CDK6: variants seen among roughly 807,000 people sequenced by gnomAD.
CDK6 encodes cyclin dependent kinase 6, also known as cyclin-dependent kinase 6.
CDK6 carries 6 observed loss-of-function variants against 37.1 expected under a neutral mutation model. That is an observed-to-expected ratio of 0.16 (90% CI 0.09 to 0.32). The LOEUF is 0.32. CDK6 is among the 10% of genes least tolerant of loss of function. The pLI is 1.00. For synonymous variants in CDK6, 160 were observed against 161.3 expected, an observed-to-expected ratio of 0.99 and a Z score of 0.06; for missense variants, 224 against 418.9, an observed-to-expected ratio of 0.53 and a Z score of 4.06.
chr7:92,827,435 T>C (rs747554058), intron 2 of CDK6, among the ~76,000 whole-genome samples: 3 of 152,174 alleles, frequency 2.0e-5, no homozygotes, highest in Admixed American at 6.5e-5. Flanking sequence ...TACACTTGCA[T>C]AGATTCCTGC....
At chr7:92,718,063 A>C (rs1408601706) in intron 4 of CDK6, among the ~76,000 whole-genome samples, 2 of 152,140 alleles carry the variant, frequency 1.3e-5, no homozygotes, top group Non-Finnish European at 2.9e-5. Flanking sequence ...AATCCTAAAG[A>C]AAACGTGTCC....
At chr7:92,704,828 G>A (rs955373318) in intron 4 of CDK6, among the ~76,000 whole-genome samples, 1 of 152,144 alleles carries the variant, frequency 6.6e-6, no homozygotes, top group African/African-American at 2.4e-5. Flanking sequence ...ACATGTGCAG[G>A]AATTTCTCTA....
chr7:92,685,352 G>A (rs1585398010), intron 4 of CDK6, among the ~76,000 whole-genome samples: 2 of 152,208 alleles, frequency 1.3e-5, no homozygotes, highest in African/African-American at 4.8e-5. Context: ...AGGGACTCAT[G>A]CTGCATGCGT....
At chr7:92,735,527 T>C (rs138123738) in intron 3 of CDK6, among the ~76,000 whole-genome samples, 16 of 152,314 alleles carry the variant, frequency 1.1e-4, no homozygotes, top group Non-Finnish European at 1.8e-4. Flanking sequence ...CATAGAACTG[T>C]GGAGAGAACC....
At chr7:92,759,871 T>C (rs1343260486) in intron 3 of CDK6, among the ~76,000 whole-genome samples, 4 of 152,146 alleles carry the variant, frequency 2.6e-5, no homozygotes, top group African/African-American at 7.2e-5. Flanking sequence ...GCCATGCACA[T>C]ACAATGAAGA....
At chr7:92,776,719 A>G (rs1350552831) in intron 2 of CDK6, among the ~76,000 whole-genome samples, 1 of 152,140 alleles carries the variant, frequency 6.6e-6, no homozygotes, top group African/African-American at 2.4e-5. Context: ...CTTTTGAGAA[A>G]ATGTCTGTTC....
chr7:92,794,614 A>G (rs957293281), intron 2 of CDK6, among the ~76,000 whole-genome samples: 1 of 152,026 alleles, frequency 6.6e-6, no homozygotes, highest in African/African-American at 2.4e-5. Flanking sequence ...TGATCTTCAA[A>G]GATTATGCTC....
intron 4 of CDK6, among the ~76,000 whole-genome samples, chr7:92,684,100 T>A (rs1797396704): frequency 6.6e-6 from 1 of 152,200 alleles, no homozygotes; most frequent in Non-Finnish European, 1.5e-5. Flanking sequence ...TTGTCTTATA[T>A]AATCTTCAGT....
rs569320482 is a variant in CDK6 at position 92,605,379 on chromosome 7, G to A, written c.*9761C>T. 31 of 233,442 alleles carry A rather than the reference G, an allele frequency of 1.3e-4. No homozygotes were observed. The highest frequency in any genetic ancestry group is 5.7e-4 in the African/African-American group (26 of 45,438). 14.5% of individuals were successfully genotyped at this position (233,442 alleles called of 1,614,324 possible). A position where few individuals can be genotyped will look rare whatever the true frequency, so the allele number is the denominator to read the frequency against. On this transcript the variant is annotated 3_prime_UTR_variant, in exon 8 of 8. Transcript: ENST00000424848. ...CTTTCCCAATAAGTCAGAGTAAGGG[G>A]CAGGTAAGAATGGCTATCTGACTTC...
chr7:92,776,677 T>C (rs1260905127), intron 2 of CDK6, among the ~76,000 whole-genome samples: 1 of 152,238 alleles, frequency 6.6e-6, no homozygotes, highest in Admixed American at 6.5e-5. Context: ...TGAGCTTTTT[T>C]TTCATATGTT....
At chr7:92,787,498 T>C (rs1800174177) in intron 2 of CDK6, among the ~76,000 whole-genome samples, 1 of 152,144 alleles carries the variant, frequency 6.6e-6, no homozygotes, top group African/African-American at 2.4e-5. Context: ...GTATTTAGAA[T>C]TGTTTATGTT....
intron 5 of CDK6, among the ~76,000 whole-genome samples, chr7:92,639,844 G>A (rs981349846): frequency 6.6e-6 from 1 of 152,150 alleles, no homozygotes; most frequent in Admixed American, 6.5e-5. Flanking sequence ...TACTGTTACT[G>A]GATTTGACTA....
rs1446935382 is a variant in CDK6, at chr7:92,614,287, C to T, written c.*853G>A. 2.1e-5 allele frequency: 5 copies of T among 232,918 alleles called. No homozygotes were observed. The highest frequency in any genetic ancestry group is 1.8e-4 in the South Asian group (1 of 5,524). The allele number at this position is 232,918 out of a possible 1,614,324, so 14.4% of individuals were successfully genotyped here. On this transcript the variant is annotated 3_prime_UTR_variant, in exon 8 of 8. Transcript: ENST00000424848. ...TTTTTTTTAAAATCTATCTGAGGTACACTCCCTAAACCTATAGCAAGTAAT... is the reference window on the plus strand; with the variant it reads ...TTTTTTTTAAAATCTATCTGAGGTATACTCCCTAAACCTATAGCAAGTAAT...
In CDK6 at chr7:92,638,696, T is replaced by C. The variant is rs199823399; in HGVS notation, c.648-15610A>G. Among the ~76,000 whole-genome samples the C allele has an allele frequency of 5.3e-5, 8 of 152,304 alleles. No homozygotes were observed. The East Asian group carries it at 1.4e-3, about 26-fold the overall frequency. ...GTTCCTTGAATGCCTTGAAGGAACA[T>C]CACTTACCTACTAAATTATAATAAA... On this transcript the variant is annotated intron_variant, in intron 5 of 7. Transcript: ENST00000424848.
At chr7:92,744,361 C>T (rs1799005844) in intron 3 of CDK6, among the ~76,000 whole-genome samples, 3 of 152,156 alleles carry the variant, frequency 2.0e-5, no homozygotes, top group Admixed American at 2.0e-4. Flanking sequence ...CTTATAAAAT[C>T]ATCAGATCTC....
chr7:92,675,446 T>C (rs1166304053), intron 4 of CDK6, among the ~76,000 whole-genome samples: 2 of 152,240 alleles, frequency 1.3e-5, no homozygotes, highest in Admixed American at 1.3e-4. Context: ...TATTGTAGCA[T>C]CCTTGCCTTC....
chr7:92,631,987 C>G (rs1361454686), intron 5 of CDK6, among the ~76,000 whole-genome samples: 1 of 152,072 alleles, frequency 6.6e-6, no homozygotes, highest in Non-Finnish European at 1.5e-5. Flanking sequence ...ACAGCAAATA[C>G]TACATACATT....
intron 2 of CDK6, among the ~76,000 whole-genome samples, chr7:92,826,930 C>T (rs1801333671): frequency 6.6e-6 from 1 of 152,114 alleles, no homozygotes; most frequent in African/African-American, 2.4e-5. Flanking sequence ...AATCCTGGTT[C>T]TCAAGTCAGC....
chr7:92,738,848 C>A (rs578133829), intron 3 of CDK6, among the ~76,000 whole-genome samples: 1 of 150,588 alleles, frequency 6.6e-6, no homozygotes, highest in African/African-American at 2.5e-5. Flanking sequence ...CTTAAACGTG[C>A]GCCTCTTGCC....
Sources: allele counts gnomAD v4.1 joint callset (sites outside exome capture counted in the v4.1 genomes callset), GRCh38; gene constraint gnomAD v4.1.1; transcripts MANE v1.5; gene names NCBI Gene and HGNC (gene_info 2026-07-23, HGNC 2026-07-21).